AASS: variants seen among roughly 807,000 people sequenced by gnomAD.
AASS encodes alpha-aminoadipic semialdehyde synthase, mitochondrial.
AASS carries 86 observed loss-of-function variants against 105.4 expected under a neutral mutation model. The ratio of observed to expected loss-of-function variants is 0.82; its 90% CI spans 0.69 to 0.98. AASS has a LOEUF of 0.98. Among genes scored for constraint, AASS ranks in the 50% least tolerant of loss-of-function variants. The pLI, the probability that AASS is intolerant of heterozygous loss-of-function variation, is 0.00. For missense variants in AASS, 1,048 were observed against 1,143.2 expected (o/e 0.92, Z 1.20); for synonymous variants, 381 against 394.8 (o/e 0.96, Z 0.41).
intron 18 of AASS, among the ~76,000 whole-genome samples, chr7:122,087,658 T>C (rs1793690890): frequency 6.6e-6 from 1 of 152,080 alleles, no homozygotes; most frequent in Non-Finnish European, 1.5e-5. Flanking sequence ...GCCCAGGAGT[T>C]TGAGAATAGC....
chr7:122,141,517 G>A (rs1189766761), intron 1 of AASS, among the ~76,000 whole-genome samples: 1 of 152,046 alleles, frequency 6.6e-6, no homozygotes, highest in Non-Finnish European at 1.5e-5. Context: ...TGGGAAAACA[G>A]CAAGTGTTTT....
chr7:122,086,281 A>T lies in AASS; in HGVS notation c.2017-102T>A, dbSNP rs544303416. On this transcript the variant is annotated intron_variant, in intron 18 of 23. Coordinates refer to ENST00000417368, the MANE Select transcript of AASS (RefSeq NM_005763.4). ...AAGAAAGCAACAGAAATTTGAAAAA[A>T]AAAATAAAAATAATGAAACCACCAT... is the stretch of plus-strand genomic sequence containing the variant. The T allele has an allele frequency of 1.0e-5, 12 of 1,149,868 alleles. No individual in the cohort carries two copies. The South Asian group carries it at 1.7e-4, about 16-fold the overall frequency. The allele number at this position is 1,149,868 out of a possible 1,614,324, so 71.2% of individuals were successfully genotyped here. A position where few individuals can be genotyped will look rare whatever the true frequency, so the allele number is the denominator to read the frequency against.
In AASS at chr7:122,099,322, ATAT is replaced by A. The variant is rs1255525869; in HGVS notation, c.1407-459_1407-457del. Among the ~76,000 whole-genome samples the A allele has an allele frequency of 2.0e-5, 3 of 151,916 alleles. No individual in the cohort carries two copies. In the East Asian group the frequency reaches 5.8e-4, roughly 29 times the overall value. On this transcript the variant is annotated intron_variant, in intron 13 of 23. Coordinates refer to ENST00000417368, the MANE Select transcript of AASS (RefSeq NM_005763.4). ...AGAAGACAACAATTTGAGGAAGAGA[ATAT>A]TATTATCCATATTAGAAATTGTTTT...
intron 13 of AASS, among the ~76,000 whole-genome samples, chr7:122,099,356 A>T (rs982295526): frequency 6.6e-6 from 1 of 151,944 alleles, no homozygotes; most frequent in Non-Finnish European, 1.5e-5. Flanking sequence ...GTTTTGTCAT[A>T]TATCTTTAGA....
rs1484070270 is a variant in AASS, at chr7:122,126,402, C to T, written c.445G>A (p.Ala149Thr). Residue 149 changes from alanine to threonine, a missense_variant, in exon 4 of 24, where the codon GCA (alanine) becomes ACA (threonine). Coordinates refer to ENST00000417368, the MANE Select transcript of AASS (RefSeq NM_005763.4). ...MVDHRGVRVV[A>T]FGQWAGVAGM... ...GCCACACCAGCCCACTGTCCAAATG[C>T]CACTACCCGTACTCCTCTATGATCC... 6.2e-7 allele frequency: 1 copy of T among 1,614,034 alleles called. No homozygotes were observed. Among genetic ancestry groups the T allele is most frequent in the Non-Finnish European group, 8.5e-7 (1 of 1,179,950 alleles).
At chr7:122,088,655 G>C (rs73717785) in intron 18 of AASS, among the ~76,000 whole-genome samples, 1,558 of 152,232 alleles carry the variant, frequency 0.01, 25 homozygotes, top group African/African-American at 0.036. Context: ...GATTTCCAAA[G>C]GGTTGGGTGC....
rs555259615 is a variant in AASS at position 122,119,523 on chromosome 7, T to C, written c.473-893A>G. On this transcript the variant is annotated intron_variant, in intron 4 of 23. Coordinates refer to ENST00000417368, the MANE Select transcript of AASS (RefSeq NM_005763.4). ...GCATCCATTCTTTCCTTATTCTTTT[T>C]AGGAAAGAACTTTCCATGCTCCTCC... 1.9e-3 allele frequency among the ~76,000 whole-genome samples: 289 copies of C among 152,298 alleles called. 3 individuals are homozygous for C. The highest frequency in any genetic ancestry group is 1.5e-3 in the Non-Finnish European group (100 of 68,014).
At chr7:122,136,093 C>A (rs1796127404) in intron 1 of AASS, among the ~76,000 whole-genome samples, 1 of 152,110 alleles carries the variant, frequency 6.6e-6, no homozygotes, top group Admixed American at 6.5e-5. Flanking sequence ...GATTTTTATA[C>A]CTTCCAGAAA....
At chr7:122,131,520 AG>A (rs1164838499) in intron 2 of AASS, among the ~76,000 whole-genome samples, 1 of 151,980 alleles carries the variant, frequency 6.6e-6, no homozygotes, top group Non-Finnish European at 1.5e-5. Flanking sequence ...AAAATTTTAA[AG>A]GTAAAAAGTT....
intron 8 of AASS, among the ~76,000 whole-genome samples, chr7:122,115,975 T>G (rs1389744246): frequency 6.6e-6 from 1 of 152,188 alleles, no homozygotes; most frequent in Non-Finnish European, 1.5e-5. Flanking sequence ...TATTTAAAAT[T>G]ATTTAAAGCA....
At chr7:122,077,063 G>C (rs1200775114) in intron 23 of AASS, among the ~76,000 whole-genome samples, 4 of 152,136 alleles carry the variant, frequency 2.6e-5, no homozygotes, top group Non-Finnish European at 4.4e-5. Context: ...CTCACTAGAG[G>C]CCACAATGAC....
intron 3 of AASS, 83 bp downstream of exon 3, chr7:122,129,278 A>G: frequency 1.2e-6 from 1 of 865,394 alleles, no homozygotes; most frequent in Non-Finnish European, 1.7e-6. Flanking sequence ...AGAAGAAAAG[A>G]AGACTAAAAC....
intron 11 of AASS, among the ~76,000 whole-genome samples, chr7:122,102,852 AAAAT>A (rs2150525258): frequency 6.6e-6 from 1 of 152,074 alleles, no homozygotes; most frequent in Non-Finnish European, 1.5e-5. Context: ...CATTAAACCA[AAAAT>A]AAATAAATAT....
At chr7:122,116,122 G>A (rs982148556) in intron 8 of AASS, among the ~76,000 whole-genome samples, 2 of 152,056 alleles carry the variant, frequency 1.3e-5, no homozygotes, top group African/African-American at 2.4e-5. Flanking sequence ...GATGTGTGTC[G>A]CATCGAAGGA....
chr7:122,142,333 C>T (rs1483074754), intron 1 of AASS, among the ~76,000 whole-genome samples: 1 of 152,172 alleles, frequency 6.6e-6, no homozygotes, highest in Non-Finnish European at 1.5e-5. Flanking sequence ...TCCTCAAAAG[C>T]GAGCACAACC....
intron 4 of AASS, among the ~76,000 whole-genome samples, chr7:122,121,223 C>A (rs932615587): frequency 6.6e-6 from 1 of 152,006 alleles, no homozygotes; most frequent in African/African-American, 2.4e-5. Context: ...TTATAGTCAA[C>A]TATCAAGTAA....
rs1266309035 is a variant in AASS at position 122,116,022 on chromosome 7, A to G, written c.894+611T>C. On this transcript the variant is annotated intron_variant, in intron 8 of 23. Transcript: ENST00000417368. ...AATAAATGCATGCATTTTTTGTTTT[A>G]TGTATTTTTTGGTTTGTTAGTTTAT... Among the ~76,000 whole-genome samples, 3 of 152,068 alleles carry G rather than the reference A, an allele frequency of 2.0e-5. No individual in the cohort carries two copies. In the East Asian group the frequency reaches 5.8e-4, roughly 29 times the overall value.
Position 122,098,872 on chromosome 7 carries a change from TAAAAAAA to T in AASS, c.1407-13_1407-7del, listed in dbSNP as rs34474265. ...AAAGTGACTGAGCACGTTCCCTATT[TAAAAAAA>T]AAAAAAAAAAAAAAAAAGGGAAGGG... is the stretch of plus-strand genomic sequence containing the variant. On this transcript the variant is annotated splice_region_variant and splice_polypyrimidine_tract_variant and intron_variant, in intron 13 of 23. Coordinates refer to ENST00000417368, the MANE Select transcript of AASS (RefSeq NM_005763.4). 2.1e-5 allele frequency: 25 copies of T among 1,167,146 alleles called. No homozygotes were observed. The highest frequency in any genetic ancestry group is 1.3e-4 in the South Asian group (7 of 53,194). The allele number at this position is 1,167,146 out of a possible 1,614,324, so 72.3% of individuals were successfully genotyped here.
At chr7:122,106,330 C>A (rs1411140596) in intron 11 of AASS, among the ~76,000 whole-genome samples, 1 of 151,872 alleles carries the variant, frequency 6.6e-6, no homozygotes, top group Non-Finnish European at 1.5e-5. Context: ...CCATACTGCC[C>A]AAAGCAATTT....
Sources: gnomAD v4.1 joint callset for allele counts (sites outside exome capture counted in the v4.1 genomes callset) on GRCh38, gnomAD v4.1.1 for gene constraint, MANE v1.5 for transcripts, NCBI Gene and HGNC (gene_info 2026-07-23, HGNC 2026-07-21) for gene names.